The following SLIT2 variants were observed in gnomAD, a reference collection of about 807,000 sequenced individuals.
The protein encoded by SLIT2 is slit homolog 2 protein.
Under a neutral mutation model 185.7 loss-of-function variants are expected in SLIT2, and 41 were observed. The ratio of observed to expected loss-of-function variants is 0.22; its 90% CI spans 0.17 to 0.29. The LOEUF is 0.29. Among genes scored for constraint, SLIT2 ranks in the 10% least tolerant of loss-of-function variants. The pLI is 1.00. For synonymous variants in SLIT2, 693 were observed against 680.2 expected (o/e 1.02, Z -0.29); for missense variants, 1,571 against 1,909.0 (o/e 0.82, Z 3.30).
At chr4:20,295,139 C>A (rs562177784) in intron 4 of SLIT2, among the ~76,000 whole-genome samples, 37 of 152,226 alleles carry the variant, frequency 2.4e-4, no homozygotes, top group Non-Finnish European at 4.6e-4. Context: ...GGGAAGATTG[C>A]AAAAGAACCT....
intron 11 of SLIT2, among the ~76,000 whole-genome samples, chr4:20,511,594 T>TTTTTTTTTTTTTTTA (rs1173070448): frequency 1.0e-4 from 12 of 115,472 alleles, no homozygotes; most frequent in South Asian, 3.0e-4. Flanking sequence ...CTAATTTTTT[T>TTTTTTTTTTTTTTTA]TTTTTTTTTA....
chr4:20,351,793 G>A (rs1038645344), intron 4 of SLIT2, among the ~76,000 whole-genome samples: 2 of 152,162 alleles, frequency 1.3e-5, no homozygotes, highest in Non-Finnish European at 2.9e-5. Flanking sequence ...ATGGGGTGCT[G>A]AAAAAGTCTC....
At chr4:20,450,814 A>T (rs953558657) in intron 4 of SLIT2, among the ~76,000 whole-genome samples, 2 of 152,200 alleles carry the variant, frequency 1.3e-5, no homozygotes, top group Non-Finnish European at 2.9e-5. Flanking sequence ...ATCCCTTCGT[A>T]TGTAACACAA....
intron 14 of SLIT2, among the ~76,000 whole-genome samples, chr4:20,524,776 C>CTTTGTATTGATA (rs199670245): frequency 0.033 from 5,076 of 152,200 alleles, 123 homozygotes; most frequent in Non-Finnish European, 0.05. Context: ...AATATGAATG[C>CTTTGTATTGATA]ATTGTATTGA....
chr4:20,611,532 G>A (rs894329161), intron 34 of SLIT2, among the ~76,000 whole-genome samples: 1 of 152,176 alleles, frequency 6.6e-6, no homozygotes, highest in African/African-American at 2.4e-5. Context: ...GTATTGCATA[G>A]TGAGTCTACT....
intron 22 of SLIT2, among the ~76,000 whole-genome samples, chr4:20,547,259 G>A (rs1342678803): frequency 6.6e-6 from 1 of 152,050 alleles, no homozygotes; most frequent in Non-Finnish European, 1.5e-5. Flanking sequence ...ATTTTGTTCT[G>A]TTAAATAAAC....
chr4:20,478,967 G>A (rs974038365), intron 5 of SLIT2, among the ~76,000 whole-genome samples: 3 of 152,064 alleles, frequency 2.0e-5, no homozygotes, highest in African/African-American at 4.8e-5. Flanking sequence ...TGTCTTCTTC[G>A]AAAATAAAAT....
chr4:20,502,417 A>G (rs1718824913), intron 9 of SLIT2, among the ~76,000 whole-genome samples: 1 of 152,206 alleles, frequency 6.6e-6, no homozygotes, highest in Non-Finnish European at 1.5e-5. Flanking sequence ...GCTCTGCATC[A>G]GGCATTATGG....
intron 4 of SLIT2, among the ~76,000 whole-genome samples, chr4:20,440,859 G>C (rs1212695591): frequency 1.3e-5 from 2 of 152,052 alleles, no homozygotes; most frequent in Non-Finnish European, 1.5e-5. Context: ...ATTTTTAAGA[G>C]ACTCACCTAT....
Position 20,567,379 on chromosome 4 carries a change from G to T in SLIT2, c.2843G>T (p.Gly948Val), listed in dbSNP as rs1279564684. 1 of 1,613,172 alleles carries T rather than the reference G, an allele frequency of 6.2e-7. No individual in the cohort carries two copies. The highest frequency in any genetic ancestry group is 8.5e-7 in the Non-Finnish European group (1 of 1,179,404). ...VDFYRCTCPY[G>V]FKGQDCDVPI... ...TTTTACCGATGCACCTGTCCATATG[G>T]TTTCAAGGTAAGTAAAAGCACTTTA... is the stretch of plus-strand genomic sequence containing the variant. The change falls in exon 27 of 37, where the codon GGT becomes GTT. Residue 948 changes from glycine to valine, a missense_variant. Around this residue, in one of 3 missense-constraint regions of SLIT2, gnomAD observed 1,202 missense variants for 1,416.4 expected, o/e 0.85. Coordinates refer to ENST00000504154, the MANE Select transcript of SLIT2 (RefSeq NM_004787.4).
At position 20,268,802 on chromosome 4, in the gene SLIT2, C is replaced by T; in HGVS notation, c.324-8C>T. 1.9e-6 allele frequency: 3 copies of T among 1,604,086 alleles called. No homozygotes were observed. Among genetic ancestry groups the T allele is most frequent in the Non-Finnish European group, 2.6e-6 (3 of 1,171,480 alleles). ...GTAACATAAGCTTTGTTTTTGTTTT[C>T]TCAAAAGGCGTTTAAACAGAAATCA... On this transcript the variant is annotated splice_polypyrimidine_tract_variant and splice_region_variant and intron_variant, in intron 3 of 36. Coordinates refer to ENST00000504154, the MANE Select transcript of SLIT2 (RefSeq NM_004787.4).
At chr4:20,479,811 A>G (rs1716509280) in intron 5 of SLIT2, among the ~76,000 whole-genome samples, 1 of 152,164 alleles carries the variant, frequency 6.6e-6, no homozygotes, top group African/African-American at 2.4e-5. Flanking sequence ...AGTGCTTAAG[A>G]TATTGGAGAA....
chr4:20,469,751 CTTTTTTT>C (rs33912349), intron 5 of SLIT2, among the ~76,000 whole-genome samples: 5 of 90,754 alleles, frequency 5.5e-5, no homozygotes, highest in East Asian at 3.1e-4. Flanking sequence ...TTAGTTTTTA[CTTTTTTT>C]TTTTTTTTTT....
intron 26 of SLIT2, among the ~76,000 whole-genome samples, chr4:20,565,836 T>A (rs1725046738): frequency 6.6e-6 from 1 of 152,032 alleles, no homozygotes; most frequent in Non-Finnish European, 1.5e-5. Flanking sequence ...TGTGGATACA[T>A]TTCAAGAGTT....
chr4:20,507,360 T>A (rs1719309073), intron 9 of SLIT2, among the ~76,000 whole-genome samples: 1 of 151,992 alleles, frequency 6.6e-6, no homozygotes, highest in Non-Finnish European at 1.5e-5. Context: ...AGTTTGAGAC[T>A]TTAAAATAAT....
chr4:20,397,084 A>G (rs916177816), intron 4 of SLIT2, among the ~76,000 whole-genome samples: 4 of 151,716 alleles, frequency 2.6e-5, no homozygotes, highest in African/African-American at 4.8e-5. Context: ...TGATGTATGC[A>G]TGAAGTGATT....
chr4:20,431,396 AT>A (rs1728963685), intron 4 of SLIT2, among the ~76,000 whole-genome samples: 1 of 151,730 alleles, frequency 6.6e-6, no homozygotes, highest in African/African-American at 2.4e-5. Context: ...TTTTATTTTT[AT>A]TTTTATTTTT....
chr4:20,463,278 T>C (rs1713922070), intron 4 of SLIT2, among the ~76,000 whole-genome samples: 1 of 151,606 alleles, frequency 6.6e-6, no homozygotes, highest in Admixed American at 6.6e-5. Context: ...TTACCAAGCT[T>C]AATCAGTTTT....
Position 20,253,938 on chromosome 4 carries a change from T to G in SLIT2, c.123T>G (p.Cys41Trp). The change falls in exon 1 of 37, where the codon TGT becomes TGG. Residue 41 changes from cysteine (C) to tryptophan (W), a missense_variant. Coordinates refer to ENST00000504154, the MANE Select transcript of SLIT2 (RefSeq NM_004787.4). ...CTTGCTCGGGCAGCACAGTGGACTG[T>G]CACGGGCTGGCGCTGCGCAGCGTGC... ...QCSCSGSTVD[C>W]HGLALRSVPR... 1 of 1,602,928 alleles carries G rather than the reference T, an allele frequency of 6.2e-7. No individual in the cohort carries two copies. Among genetic ancestry groups the G allele is most frequent in the Non-Finnish European group, 8.5e-7 (1 of 1,179,912 alleles).
Sources: gnomAD v4.1 joint callset for allele counts (sites outside exome capture counted in the v4.1 genomes callset) on GRCh38, gnomAD v4.1.1 for gene constraint, gnomAD v4.1.1 regional missense constraint, MANE v1.5 for transcripts, NCBI Gene and HGNC (gene_info 2026-07-23, HGNC 2026-07-21) for gene names.